ADAM7: variants seen among roughly 807,000 people sequenced by gnomAD.
The protein encoded by ADAM7 is ADAM metallopeptidase domain 7, also known as disintegrin and metalloproteinase domain-containing protein 7.
Under a neutral mutation model 102.9 loss-of-function variants are expected in ADAM7, and 97 were observed. That is an observed-to-expected ratio of 0.94 (90% CI 0.80 to 1.12). ADAM7 has a LOEUF of 1.12. Ranked by LOEUF, ADAM7 falls within the 50% of genes most tolerant of loss-of-function variation. The pLI is 0.00. For synonymous variants in ADAM7, 334 were observed against 304.4 expected (o/e 1.10, Z -1.01); for missense variants, 991 against 908.7 (o/e 1.09, Z -1.16).
intron 21 of ADAM7, 99 bp from the exon 22 acceptor site, chr8:24,508,443 CAGAA>C (rs1821022894): frequency 8.3e-7 from 1 of 1,210,508 alleles, no homozygotes; most frequent in African/African-American, 1.5e-5. Flanking sequence ...CTACAGAACA[CAGAA>C]AGGTTATTCT....
At chr8:24,479,093 C>T (rs1819863359) in intron 8 of ADAM7, among the ~76,000 whole-genome samples, 1 of 151,990 alleles carries the variant, frequency 6.6e-6, no homozygotes, top group African/African-American at 2.4e-5. Flanking sequence ...AGCACCTCAG[C>T]ACGTTTATTG....
intron 1 of ADAM7, among the ~76,000 whole-genome samples, chr8:24,442,172 T>C (rs970057400): frequency 3.3e-5 from 5 of 152,004 alleles, no homozygotes. Context: ...AGACTCTGTC[T>C]CAAAAAAATA....
At chr8:24,481,115 T>A (rs1290072181) in intron 8 of ADAM7, among the ~76,000 whole-genome samples, 1 of 151,758 alleles carries the variant, frequency 6.6e-6, no homozygotes, top group Non-Finnish European at 1.5e-5. Context: ...CCAAGAGGAA[T>A]AAGGATGCAT....
intron 20 of ADAM7, among the ~76,000 whole-genome samples, chr8:24,506,370 C>T (rs1031446771): frequency 6.6e-6 from 1 of 151,966 alleles, no homozygotes; most frequent in East Asian, 1.9e-4. Context: ...GTGAAGTGAG[C>T]CAGGCAAGTC....
chr8:24,487,951 T>C (rs1820201629), intron 11 of ADAM7, among the ~76,000 whole-genome samples: 1 of 152,172 alleles, frequency 6.6e-6, no homozygotes, highest in Non-Finnish European at 1.5e-5. Context: ...TCATCTTTTC[T>C]ATAAGCTATA....
intron 7 of ADAM7, among the ~76,000 whole-genome samples, chr8:24,469,096 C>T (rs1192885715): frequency 6.6e-6 from 1 of 151,940 alleles, no homozygotes; most frequent in Non-Finnish European, 1.5e-5. Flanking sequence ...TGTTGTTAAG[C>T]TCAAAAGAAA....
intron 8 of ADAM7, among the ~76,000 whole-genome samples, chr8:24,480,171 A>G (rs1819901856): frequency 6.6e-6 from 1 of 152,184 alleles, no homozygotes; most frequent in Non-Finnish European, 1.5e-5. Flanking sequence ...ATTGACACCA[A>G]GTCAAGACTC....
chr8:24,477,685 C>A (rs1210101596), intron 8 of ADAM7, among the ~76,000 whole-genome samples: 1 of 151,980 alleles, frequency 6.6e-6, no homozygotes, highest in Admixed American at 6.6e-5. Flanking sequence ...TCAAATATTT[C>A]AAAGAAATTG....
chr8:24,469,481 C>T (rs1819535541), intron 7 of ADAM7, among the ~76,000 whole-genome samples: 1 of 152,120 alleles, frequency 6.6e-6, no homozygotes, highest in Admixed American at 6.5e-5. Context: ...TCAGATGCAG[C>T]ACTGCCAAGC....
At position 24,489,073 on chromosome 8, in the gene ADAM7, T is replaced by C. The variant is rs539746971; in HGVS notation, c.1092-86T>C. The C allele has an allele frequency of 1.3e-4, 163 of 1,260,262 alleles. 1 individual carries two copies. The African/African-American group carries it at 2.1e-3, about 16-fold the overall frequency. The allele number at this position is 1,260,262 out of a possible 1,614,324, so 78.1% of individuals were successfully genotyped here. On this transcript the variant is annotated intron_variant, in intron 11 of 21. Transcript: ENST00000175238. ...CAGTAAACATTTACATTTGTTCTTT[T>C]CAAATGCTTCATAAAATGCTCACAG... is the stretch of plus-strand genomic sequence containing the variant.
chr8:24,480,107 T>A (rs1819899745), intron 8 of ADAM7, among the ~76,000 whole-genome samples: 1 of 152,224 alleles, frequency 6.6e-6, no homozygotes, highest in Non-Finnish European at 1.5e-5. Context: ...TAGTCACTTC[T>A]GTTTTCTGCC....
chr8:24,487,765 G>A (rs7842793), intron 11 of ADAM7, among the ~76,000 whole-genome samples: 46,521 of 151,944 alleles, frequency 0.31, 7,397 homozygotes, highest in South Asian at 0.38. Context: ...ATAACTAGGC[G>A]TGGCAGTTTT....
chr8:24,443,460 A>T (rs1761169561), intron 2 of ADAM7, among the ~76,000 whole-genome samples: 1 of 152,150 alleles, frequency 6.6e-6, no homozygotes. Flanking sequence ...AGTAATATGT[A>T]ACTATTTTGT....
rs1818411499 is a variant in ADAM7 at position 24,442,561 on chromosome 8, T to C, written c.141T>C (p.His47=). 2 of 1,613,392 alleles carry C rather than the reference T, an allele frequency of 1.2e-6. No individual in the cohort carries two copies. Among genetic ancestry groups the C allele is most frequent in the South Asian group, 1.1e-5 (1 of 91,064 alleles). Residue 47 remains histidine, a synonymous_variant, in exon 2 of 22, where the codon CAT becomes CAC. Coordinates refer to ENST00000175238, the MANE Select transcript of ADAM7 (RefSeq NM_003817.4). ...LIQKRDTGHT[H]DDDILKTYEE... Reference sequence around the variant, plus strand: ...AGAAGCGAGATACTGGACACACCCATGATGATGACATACTGGTACAAGTTT... The same window carrying C: ...AGAAGCGAGATACTGGACACACCCACGATGATGACATACTGGTACAAGTTT...
At chr8:24,498,640 A>G (rs1325875043) in intron 16 of ADAM7, among the ~76,000 whole-genome samples, 3 of 151,602 alleles carry the variant, frequency 2.0e-5, no homozygotes. Context: ...ACTGGTGGCA[A>G]TAAATGAATG....
At chr8:24,492,936 C>A in intron 15 of ADAM7, 107 bp from the exon 16 acceptor site, 1 of 1,211,382 alleles carries the variant, frequency 8.3e-7, no homozygotes, top group Non-Finnish European at 1.1e-6. Context: ...CTTAACTTGG[C>A]AAGAAACCTG....
rs555518295 is a variant in ADAM7 at position 24,507,851 on chromosome 8, T to C, written c.2264+316T>C. On this transcript the variant is annotated intron_variant, in intron 21 of 21. Coordinates refer to ENST00000175238, the MANE Select transcript of ADAM7 (RefSeq NM_003817.4). ...TTTCAGACTTTTGTTGGTCAGAGTA[T>C]ACATACCCACAGGTTTTCTTCAAGT... Among the ~76,000 whole-genome samples, 3 of 152,294 alleles carry C rather than the reference T, an allele frequency of 2.0e-5. No individual in the cohort carries two copies. In the South Asian group the frequency reaches 6.2e-4, roughly 32 times the overall value.
chr8:24,474,005 A>G (rs1204569907), intron 7 of ADAM7, among the ~76,000 whole-genome samples: 2 of 152,200 alleles, frequency 1.3e-5, no homozygotes, highest in African/African-American at 4.8e-5. Flanking sequence ...CCTATTCAGT[A>G]TAAACATTAA....
At position 24,476,577 on chromosome 8, in the gene ADAM7, T is replaced by C; in HGVS notation, c.705+73T>C. ...AGAACCTTTCAGCGCAGTTCTCTGC[T>C]GGACTATTGTAGTTACCTGATATTA... On this transcript the variant is annotated intron_variant, in intron 8 of 21. Transcript: ENST00000175238. 3 of 1,227,410 alleles carry C rather than the reference T, an allele frequency of 2.4e-6. No homozygotes were observed. In the Middle Eastern group the frequency reaches 6.1e-4, roughly 248 times the overall value. 76.0% of individuals were successfully genotyped at this position (1,227,410 alleles called of 1,614,324 possible).
Sources: allele counts gnomAD v4.1 joint callset (sites outside exome capture counted in the v4.1 genomes callset), GRCh38; gene constraint gnomAD v4.1.1; transcripts MANE v1.5; gene names NCBI Gene and HGNC (gene_info 2026-07-23, HGNC 2026-07-21).